Variants in CALCR observed in about 807,000 individuals in gnomAD.
CALCR encodes the protein calcitonin receptor.
CALCR carries 47 observed loss-of-function variants against 59.5 expected under a neutral mutation model. That is an observed-to-expected ratio of 0.79 (90% confidence interval 0.63 to 1.01). CALCR has a LOEUF of 1.01. CALCR is among the 50% of genes least tolerant of loss of function. The probability of loss-of-function intolerance (pLI) is 0.00; values close to 1 mark genes in which losing one functional copy is unlikely to be tolerated. For missense variants in CALCR, 566 were observed against 597.1 expected, an observed-to-expected ratio of 0.95 and a Z score of 0.54; for synonymous variants, 213 against 211.3, an observed-to-expected ratio of 1.01 and a Z score of -0.07.
At chr7:93,501,366 T>A (rs984123529) in intron 2 of CALCR, among the ~76,000 whole-genome samples, 2 of 152,124 alleles carry the variant, frequency 1.3e-5, no homozygotes, top group Non-Finnish European at 2.9e-5. Context: ...TGGCACATTA[T>A]AATTTTACAA....
At chr7:93,468,576 G>T in intron 7 of CALCR, 139 bp downstream of exon 7, 1 of 564,228 alleles carries the variant, frequency 1.8e-6, no homozygotes. Flanking sequence ...CATTTTTCTT[G>T]CTACTTCATG....
intron 2 of CALCR, among the ~76,000 whole-genome samples, chr7:93,554,698 C>A (rs895379430): frequency 1.1e-4 from 17 of 148,020 alleles, no homozygotes; most frequent in African/African-American, 4.4e-4. Flanking sequence ...AAGGGAAGAC[C>A]CATTTCCCAG....
chr7:93,529,840 A>G (rs779062363), intron 2 of CALCR, among the ~76,000 whole-genome samples: 20 of 152,160 alleles, frequency 1.3e-4, no homozygotes, highest in Non-Finnish European at 2.4e-4. Flanking sequence ...AAATCAAACG[A>G]ATGTTAATAT....
chr7:93,507,878 G>A, intron 2 of CALCR, among the ~76,000 whole-genome samples: 1 of 151,040 alleles, frequency 6.6e-6, no homozygotes, highest in East Asian at 1.9e-4. Flanking sequence ...AGCCGAGATG[G>A]CACCACTACA....
intron 8 of CALCR, among the ~76,000 whole-genome samples, chr7:93,451,433 A>G (rs970459733): frequency 1.3e-5 from 2 of 152,036 alleles, no homozygotes; most frequent in Admixed American, 1.3e-4. Context: ...ATTTAAAAGC[A>G]TGTCCTTTTC....
intron 13 of CALCR, among the ~76,000 whole-genome samples, chr7:93,430,103 T>C (rs955000035): frequency 1.3e-5 from 2 of 151,778 alleles, no homozygotes; most frequent in Non-Finnish European, 2.9e-5. Context: ...GGCTAATTTT[T>C]TTTTTGTATT....
chr7:93,497,444 A>G (rs1241263602), intron 2 of CALCR, among the ~76,000 whole-genome samples: 1 of 151,582 alleles, frequency 6.6e-6, no homozygotes, highest in Non-Finnish European at 1.5e-5. Context: ...CTTAAGACAA[A>G]ATGTTGTAGA....
intron 2 of CALCR, among the ~76,000 whole-genome samples, chr7:93,529,245 T>C (rs1788764424): frequency 6.6e-6 from 1 of 152,028 alleles, no homozygotes; most frequent in Non-Finnish European, 1.5e-5. Flanking sequence ...TAGTGATGAG[T>C]TCTTGTGAGA....
intron 2 of CALCR, among the ~76,000 whole-genome samples, chr7:93,491,822 T>C (rs1245543246): frequency 2.7e-4 from 41 of 151,630 alleles, no homozygotes; most frequent in Admixed American, 2.7e-3. Flanking sequence ...ATTAGTTCAA[T>C]CATTGTAGAA....
At chr7:93,433,498 T>C (rs1453816336) in intron 13 of CALCR, among the ~76,000 whole-genome samples, 26 of 152,206 alleles carry the variant, frequency 1.7e-4, no homozygotes, top group Admixed American at 1.7e-3. Context: ...GTTATAACCA[T>C]AAGTGCATTT....
intron 2 of CALCR, among the ~76,000 whole-genome samples, chr7:93,572,212 CAT>C (rs1324067809): frequency 1.3e-5 from 2 of 151,872 alleles, no homozygotes; most frequent in East Asian, 3.9e-4. Context: ...TATGTTTATA[CAT>C]ATATGTTTCT....
At chr7:93,554,041 T>C (rs959017378) in intron 2 of CALCR, among the ~76,000 whole-genome samples, 34 of 152,220 alleles carry the variant, frequency 2.2e-4, no homozygotes, top group Non-Finnish European at 4.4e-5. Context: ...TTAAGAAATC[T>C]GGATTTAAAC....
chr7:93,477,725 G>A, intron 4 of CALCR, 57 bp from the exon 5 acceptor site: 1 of 1,080,742 alleles, frequency 9.3e-7, no homozygotes, highest in Non-Finnish European at 1.4e-6. Context: ...TAAATGAGAA[G>A]ATTGATCCCA....
chr7:93,525,770 G>A (rs1801865080), intron 2 of CALCR, among the ~76,000 whole-genome samples: 1 of 152,166 alleles, frequency 6.6e-6, no homozygotes, highest in East Asian at 1.9e-4. Context: ...TTCAATAATG[G>A]CTTCAAATAT....
intron 2 of CALCR, among the ~76,000 whole-genome samples, chr7:93,529,600 C>T (rs1037144705): frequency 6.6e-6 from 1 of 151,986 alleles, no homozygotes; most frequent in African/African-American, 2.4e-5. Context: ...AATCAGGTAG[C>T]CTATAGACGT....
chr7:93,521,619 C>T (rs555145016), intron 2 of CALCR, among the ~76,000 whole-genome samples: 18 of 152,026 alleles, frequency 1.2e-4, no homozygotes, highest in Non-Finnish European at 2.1e-4. Flanking sequence ...TTTTCTAAAC[C>T]ATTCTTTTTG....
intron 6 of CALCR, among the ~76,000 whole-genome samples, chr7:93,469,750 A>G (rs1800514786): frequency 6.6e-6 from 1 of 151,572 alleles, no homozygotes; most frequent in South Asian, 2.1e-4. Flanking sequence ...TTGTAGTTGT[A>G]CTTTAATCTC....
chr7:93,491,394 A>C (rs1315827903), intron 2 of CALCR, among the ~76,000 whole-genome samples: 1 of 152,124 alleles, frequency 6.6e-6, no homozygotes, highest in African/African-American at 2.4e-5. Context: ...ACAAAAGCCA[A>C]AATTGACAAA....
At chr7:93,441,664 T>C (rs1799907922) in intron 9 of CALCR, 2 of 401,032 alleles carry the variant, frequency 5.0e-6, no homozygotes, top group Non-Finnish European at 4.9e-6. Flanking sequence ...AGGATAGTGA[T>C]AGCCTGATTT....
Sources: gnomAD v4.1 joint callset for allele counts (sites outside exome capture counted in the v4.1 genomes callset) on GRCh38, gnomAD v4.1.1 for gene constraint, MANE v1.5 for transcripts, NCBI Gene and HGNC (gene_info 2026-07-23, HGNC 2026-07-21) for gene names.